ONECUT2: variants seen among roughly 807,000 people sequenced by gnomAD.
ONECUT2 encodes the protein one cut domain family member 2.
ONECUT2 carries 10 observed loss-of-function variants against 27.9 expected under a neutral mutation model. The observed-to-expected ratio is 0.36, with a 90% confidence interval of 0.22 to 0.61. The LOEUF (loss-of-function observed/expected upper bound fraction) is 0.61, where lower values mean the gene tolerates loss of function less well. Among genes scored for constraint, ONECUT2 ranks in the 20% least tolerant of loss-of-function variants. The pLI is 0.73. For missense variants in ONECUT2, 686 were observed against 721.0 expected (o/e 0.95, Z 0.56); for synonymous variants, 334 against 315.1 (o/e 1.06, Z -0.64).
intron 1 of ONECUT2, among the ~76,000 whole-genome samples, chr18:57,457,434 G>T (rs2050265884): frequency 6.6e-6 from 1 of 152,136 alleles, no homozygotes; most frequent in African/African-American, 2.4e-5. Context: ...GGTTCTAGAA[G>T]ATGTTAAAGT....
intron 1 of ONECUT2, among the ~76,000 whole-genome samples, chr18:57,470,740 C>T (rs2050348540): frequency 6.6e-6 from 1 of 151,440 alleles, no homozygotes; most frequent in Non-Finnish European, 1.5e-5. Context: ...CCTGAACCAA[C>T]CAGATACTGT....
chr18:57,476,650 G>A lies in ONECUT2; in HGVS notation c.1442G>A (p.Ser481Asn). Residue 481 changes from serine (S) to asparagine (N), a missense_variant, in exon 2 of 2, where the codon AGC (serine) becomes AAC (asparagine). Ser to Asn is a conservative substitution (Grantham distance 46). Around this residue, in one of 4 missense-constraint regions of ONECUT2, gnomAD observed 77 missense variants for 105.5 expected, o/e 0.73. Coordinates refer to ENST00000491143, the MANE Select transcript of ONECUT2 (RefSeq NM_004852.3). Reference sequence around the variant, plus strand: ...TTCTTCATGAACGCCCGGCGCCGCAGCCTGGAGAAGTGGCAAGACGATCTG... The same window carrying A: ...TTCTTCATGAACGCCCGGCGCCGCAACCTGGAGAAGTGGCAAGACGATCTG... ...SNFFMNARRR[S>N]LEKWQDDLST... is the part of the protein sequence containing the mutation. 1.2e-6 allele frequency: 2 copies of A among 1,614,170 alleles called. No individual in the cohort carries two copies. The highest frequency in any genetic ancestry group is 1.7e-6 in the Non-Finnish European group (2 of 1,180,030).
At position 57,483,926 on chromosome 18, in the gene ONECUT2, A is replaced by G. The variant is rs2122164462; in HGVS notation, c.*7203A>G. ...ATAGTTTATATTTTTAATTTAAAAC[A>G]ACAGAGAGCACTGCAGTTTGTTTGC... On this transcript the variant is annotated 3_prime_UTR_variant, in exon 2 of 2. Coordinates refer to ENST00000491143, the MANE Select transcript of ONECUT2 (RefSeq NM_004852.3). 2.0e-5 allele frequency: 3 copies of G among 152,750 alleles called. No homozygotes were observed. The South Asian group carries it at 6.2e-4, about 32-fold the overall frequency. 9.5% of individuals were successfully genotyped at this position (152,750 alleles called of 1,614,324 possible). A position where few individuals can be genotyped will look rare whatever the true frequency, so the allele number is the denominator to read the frequency against.
intron 1 of ONECUT2, among the ~76,000 whole-genome samples, chr18:57,471,835 G>C (rs76058781): frequency 6.6e-6 from 1 of 152,110 alleles, no homozygotes; most frequent in Non-Finnish European, 1.5e-5. Flanking sequence ...GGAAGCGAGC[G>C]CTTGGCCTTC....
intron 1 of ONECUT2, among the ~76,000 whole-genome samples, chr18:57,468,969 G>C (rs1456992570): frequency 6.6e-6 from 1 of 152,138 alleles, no homozygotes; most frequent in Non-Finnish European, 1.5e-5. Flanking sequence ...CAGTACTGAA[G>C]GGCCACCAGT....
chr18:57,436,498 A>G lies in ONECUT2; in HGVS notation c.782A>G (p.Asn261Ser), dbSNP rs779821567. ...PPGHDKMLSPNFDAHHTAMLT... is the reference protein window; with the variant it reads ...PPGHDKMLSPSFDAHHTAMLT... ...GGCCACGACAAAATGCTCAGCCCCA[A>G]CTTCGACGCGCACCACACTGCCATG... The change falls in exon 1 of 2, where the codon AAC (asparagine) becomes AGC (serine). Residue 261 changes from asparagine (N) to serine (S), a missense_variant. Physicochemically the swap from Asn to Ser is conservative, Grantham distance 46. Around this residue, in one of 4 missense-constraint regions of ONECUT2, gnomAD observed 511 missense variants for 488.1 expected, o/e 1.05. Transcript: ENST00000491143. The surrounding 1 kb of genome is among the most constrained non-coding windows in gnomAD (Gnocchi z 5.9). 4 of 1,613,240 alleles carry G rather than the reference A, an allele frequency of 2.5e-6. No homozygotes were observed. Among genetic ancestry groups the G allele is most frequent in the African/African-American group, 2.7e-5 (2 of 74,924 alleles).
intron 1 of ONECUT2, among the ~76,000 whole-genome samples, chr18:57,441,522 T>A (rs1050567250): frequency 6.6e-6 from 1 of 152,148 alleles, no homozygotes; most frequent in Non-Finnish European, 1.5e-5. Flanking sequence ...TCCCCCGACC[T>A]CTGCACCACC....
chr18:57,458,205 C>T (rs2050270978), intron 1 of ONECUT2, among the ~76,000 whole-genome samples: 1 of 152,120 alleles, frequency 6.6e-6, no homozygotes, highest in African/African-American at 2.4e-5. Context: ...TTAAGCAATG[C>T]ATTAAAACAT....
chr18:57,453,121 C>A (rs1366463291), intron 1 of ONECUT2, among the ~76,000 whole-genome samples: 2 of 152,164 alleles, frequency 1.3e-5, no homozygotes, highest in Non-Finnish European at 2.9e-5. Context: ...AGTGAGTACA[C>A]CCCAGATCAT....
chr18:57,453,496 T>C (rs2050242042), intron 1 of ONECUT2, among the ~76,000 whole-genome samples: 1 of 16,314 alleles, frequency 6.1e-5, no homozygotes, highest in Admixed American at 7.5e-4. Context: ...TTTAGCTAGA[T>C]TTGTTCTGCA....
chr18:57,435,886 A>G lies in ONECUT2; in HGVS notation c.170A>G (p.His57Arg), dbSNP rs1315311088. 7.3e-6 allele frequency: 8 copies of G among 1,089,718 alleles called. No individual in the cohort carries two copies. Among genetic ancestry groups the G allele is most frequent in the Middle Eastern group, 4.1e-4 (1 of 2,454 alleles). 67.5% of individuals were successfully genotyped at this position (1,089,718 alleles called of 1,614,324 possible). ...GGGGGGGGPG[H>R]EQELLASPSP... ...GGGGGCGGCGGCGGGGGCCCGGGCCATGAGCAGGAGCTGCTGGCCAGCCCC... is the reference window on the plus strand; with the variant it reads ...GGGGGCGGCGGCGGGGGCCCGGGCCGTGAGCAGGAGCTGCTGGCCAGCCCC... Residue 57 changes from histidine to arginine, a missense_variant, in exon 1 of 2, where the codon CAT becomes CGT. Transcript: ENST00000491143.
At chr18:57,474,694 CAT>C (rs141881907) in intron 1 of ONECUT2, among the ~76,000 whole-genome samples, 1,551 of 152,272 alleles carry the variant, frequency 0.01, 17 homozygotes, top group Middle Eastern at 0.017. Context: ...AGGATTGTAA[CAT>C]ATGAATTTTT....
chr18:57,476,581 C>A lies in ONECUT2; in HGVS notation c.1373C>A (p.Thr458Asn). The A allele has an allele frequency of 2.5e-6, 4 of 1,614,220 alleles. No individual in the cohort carries two copies. The highest frequency in any genetic ancestry group is 3.4e-6 in the Non-Finnish European group (4 of 1,180,048). Residue 458 changes from threonine (T) to asparagine (N), a missense_variant, in exon 2 of 2, where the codon ACC (threonine) becomes AAC (asparagine). Transcript: ENST00000491143. ...NKRPSKEMQI[T>N]ISQQLGLELT... is the part of the protein sequence containing the mutation. ...CGCCCGTCAAAGGAGATGCAGATCA[C>A]CATTTCCCAGCAGCTGGGCCTGGAG...
At chr18:57,445,319 C>T (rs368971158) in intron 1 of ONECUT2, among the ~76,000 whole-genome samples, 1 of 152,170 alleles carries the variant, frequency 6.6e-6, no homozygotes, top group East Asian at 1.9e-4. Flanking sequence ...TGGGAAGCAA[C>T]GGGTAGAACT....
chr18:57,443,343 C>T (rs1177853253), intron 1 of ONECUT2, among the ~76,000 whole-genome samples: 1 of 152,196 alleles, frequency 6.6e-6, no homozygotes, highest in Non-Finnish European at 1.5e-5. Flanking sequence ...CTGGGCTGTG[C>T]TGACTTCTGA....
intron 1 of ONECUT2, among the ~76,000 whole-genome samples, chr18:57,452,661 G>A (rs75154096): frequency 6.6e-6 from 1 of 152,192 alleles, no homozygotes; most frequent in Non-Finnish European, 1.5e-5. Flanking sequence ...CTGACCTCAG[G>A]TGATCCACTC....
intron 1 of ONECUT2, among the ~76,000 whole-genome samples, chr18:57,470,223 C>G (rs765531093): frequency 6.6e-6 from 1 of 152,122 alleles, no homozygotes; most frequent in Non-Finnish European, 1.5e-5. Flanking sequence ...ATGGCCTTGG[C>G]CAGGACAGCC....
At chr18:57,471,849 G>A (rs1018654030) in intron 1 of ONECUT2, among the ~76,000 whole-genome samples, 1 of 152,130 alleles carries the variant, frequency 6.6e-6, no homozygotes, top group African/African-American at 2.4e-5. Flanking sequence ...GGCCTTCCAT[G>A]TGGTCCTACA....
At chr18:57,457,764 C>T (rs1481080613) in intron 1 of ONECUT2, among the ~76,000 whole-genome samples, 2 of 152,180 alleles carry the variant, frequency 1.3e-5, no homozygotes, top group Non-Finnish European at 2.9e-5. Context: ...AAATGTGACA[C>T]ATATACACCA....
Sources: gnomAD v4.1 joint callset for allele counts (sites outside exome capture counted in the v4.1 genomes callset) on GRCh38, gnomAD v4.1.1 for gene constraint, gnomAD v4.1.1 regional missense constraint, Gnocchi (gnomAD v3.1) non-coding constraint, MANE v1.5 for transcripts, NCBI Gene and HGNC (gene_info 2026-07-23, HGNC 2026-07-21) for gene names.